The following COG7 variants were observed in gnomAD, a reference collection of about 807,000 sequenced individuals.
The protein encoded by COG7 is conserved oligomeric Golgi complex subunit 7.
Under a neutral mutation model 91.5 loss-of-function variants are expected in COG7, and 49 were observed. That is an observed-to-expected ratio of 0.54 (90% CI 0.43 to 0.68). The LOEUF (loss-of-function observed/expected upper bound fraction) is 0.68, where lower values mean the gene tolerates loss of function less well. Ranked by LOEUF, COG7 falls within the 30% of genes least tolerant of loss-of-function variation. The pLI is 0.00. For synonymous variants in COG7, 365 were observed against 388.7 expected, an observed-to-expected ratio of 0.94 and a Z score of 0.72; for missense variants, 895 against 961.3, an observed-to-expected ratio of 0.93 and a Z score of 0.91.
intron 6 of COG7, 140 bp from the exon 7 acceptor site, chr16:23,425,087 A>G: frequency 1.4e-6 from 1 of 722,510 alleles, no homozygotes; most frequent in Non-Finnish European, 2.4e-6. Context: ...AGGAAGGTGG[A>G]TCACTTGAAG....
intron 4 of COG7, among the ~76,000 whole-genome samples, chr16:23,439,158 CAAAAAAAAAAA>C (rs1288559124): frequency 3.7e-5 from 2 of 53,744 alleles, no homozygotes; most frequent in African/African-American, 1.5e-4. Flanking sequence ...ACTGTGTCTC[CAAAAAAAAAAA>C]AAAAAAAAAA....
chr16:23,401,291 C>T (rs1483328967), intron 13 of COG7, among the ~76,000 whole-genome samples: 5 of 152,204 alleles, frequency 3.3e-5, no homozygotes, highest in Non-Finnish European at 5.9e-5. Context: ...CTGGCACCCT[C>T]GGAGTGCTCC....
intron 1 of COG7, 105 bp downstream of exon 1, chr16:23,452,721 T>G: frequency 6.7e-7 from 1 of 1,497,170 alleles, no homozygotes; most frequent in Non-Finnish European, 8.9e-7. Context: ...GGGTATTTGC[T>G]GTCCATGCGT....
At position 23,389,047 on chromosome 16, in the gene COG7, G is replaced by A. The variant is rs1453341585; in HGVS notation, c.2186C>T (p.Pro729Leu). The A allele has an allele frequency of 9.3e-6, 15 of 1,613,938 alleles. No individual in the cohort carries two copies. The highest frequency in any genetic ancestry group is 4.5e-5 in the East Asian group (2 of 44,882). The change falls in exon 17 of 17, where the codon CCG (proline) becomes CTG (leucine). Residue 729 changes from proline to leucine, a missense_variant. Physicochemically the swap from Pro to Leu is moderately conservative, Grantham distance 98. Coordinates refer to ENST00000307149, the MANE Select transcript of COG7 (RefSeq NM_153603.4). The part of the protein sequence containing the change: ...INVMDALGLQ[P>L]SRTLQHIVTL... ...CACGATGTGCTGGAGGGTGCGGGACGGCTGCAGGCCCAGGGCATCCATCAC... is the reference window on the plus strand; with the variant it reads ...CACGATGTGCTGGAGGGTGCGGGACAGCTGCAGGCCCAGGGCATCCATCAC...
chr16:23,452,760 G>T, intron 1 of COG7, 66 bp downstream of exon 1: 2 of 1,550,230 alleles, frequency 1.3e-6, no homozygotes, highest in Non-Finnish European at 1.7e-6. Flanking sequence ...CCTCACGCAA[G>T]TTCGGTGACC....
Position 23,413,348 on chromosome 16 carries a change from C to T in COG7, c.1409+100G>A, listed in dbSNP as rs1348321904. 69 of 786,224 alleles carry T rather than the reference C, an allele frequency of 8.8e-5. 1 individual carries two copies. Among genetic ancestry groups the T allele is most frequent in the South Asian group, 8.0e-4 (59 of 73,806 alleles). The allele number at this position is 786,224 out of a possible 1,614,324, so 48.7% of individuals were successfully genotyped here. A position where few individuals can be genotyped will look rare whatever the true frequency, so the allele number is the denominator to read the frequency against. On this transcript the variant is annotated intron_variant, in intron 10 of 16. Coordinates refer to ENST00000307149, the MANE Select transcript of COG7 (RefSeq NM_153603.4). ...TAAAAAGGCAGTGAAAGAAAAAAAA[C>T]GAACCCCTTCCAAACACATTTGTCA...
chr16:23,421,403 AT>A (rs1376098276), intron 7 of COG7, among the ~76,000 whole-genome samples: 1 of 150,598 alleles, frequency 6.6e-6, no homozygotes, highest in Non-Finnish European at 1.5e-5. Flanking sequence ...TATATCATTA[AT>A]TCTTATAATA....
At chr16:23,424,531 A>G (rs916648665) in intron 7 of COG7, among the ~76,000 whole-genome samples, 3 of 152,216 alleles carry the variant, frequency 2.0e-5, no homozygotes, top group Non-Finnish European at 1.5e-5. Flanking sequence ...TAAGGCACCC[A>G]GGCAGCACTG....
chr16:23,410,006 A>T (rs1376076023), intron 11 of COG7, among the ~76,000 whole-genome samples: 1 of 152,242 alleles, frequency 6.6e-6, no homozygotes, highest in Admixed American at 6.5e-5. Context: ...AACCAAGCCC[A>T]TTCCTAATTT....
intron 13 of COG7, among the ~76,000 whole-genome samples, chr16:23,400,190 T>C (rs572691751): frequency 6.7e-6 from 1 of 149,380 alleles, no homozygotes; most frequent in East Asian, 2.0e-4. Flanking sequence ...CTGGGGAGGG[T>C]TTTGAATGAG....
intron 11 of COG7, among the ~76,000 whole-genome samples, chr16:23,409,358 C>T (rs532586813): frequency 6.6e-5 from 10 of 152,258 alleles, no homozygotes; most frequent in African/African-American, 2.4e-4. Context: ...GTTGAAATCT[C>T]ATCTGAGAGA....
At chr16:23,405,082 T>C (rs1230625585) in intron 12 of COG7, among the ~76,000 whole-genome samples, 1 of 152,098 alleles carries the variant, frequency 6.6e-6, no homozygotes, top group Non-Finnish European at 1.5e-5. Flanking sequence ...CCCAAGGAAT[T>C]GTGTGACTCA....
chr16:23,401,562 G>A (rs1007306424), intron 13 of COG7, among the ~76,000 whole-genome samples: 1 of 152,204 alleles, frequency 6.6e-6, no homozygotes, highest in African/African-American at 2.4e-5. Context: ...AACCCAATCT[G>A]CAGGTGAGGG....
chr16:23,445,254 G>C, intron 2 of COG7, 90 bp from the exon 3 acceptor site: 1 of 915,716 alleles, frequency 1.1e-6, no homozygotes, highest in Non-Finnish European at 1.8e-6. Context: ...ATGGTGGCTT[G>C]CTTCTGTCTT....
chr16:23,441,615 T>A (rs1964102951), intron 4 of COG7, among the ~76,000 whole-genome samples: 1 of 152,098 alleles, frequency 6.6e-6, no homozygotes, highest in South Asian at 2.1e-4. Context: ...GCAAAGCCCA[T>A]CCATTTACGA....
chr16:23,405,087 G>C (rs1332448729), intron 12 of COG7, among the ~76,000 whole-genome samples: 2 of 152,166 alleles, frequency 1.3e-5, no homozygotes, highest in Non-Finnish European at 2.9e-5. Flanking sequence ...GGAATTGTGT[G>C]ACTCATTCCA....
chr16:23,442,432 T>C lies in COG7; in HGVS notation c.604+45A>G, dbSNP rs773101902. 4 of 1,585,682 alleles carry C rather than the reference T, an allele frequency of 2.5e-6. No homozygotes were observed. The Admixed American group carries it at 6.7e-5, about 26-fold the overall frequency. On this transcript the variant is annotated intron_variant, in intron 4 of 16. Transcript: ENST00000307149. ...AACTGAAGACTTACAAGGCCTTATCTTTATAGAGAGATATACACAGAGATG... is the reference window on the plus strand; with the variant it reads ...AACTGAAGACTTACAAGGCCTTATCCTTATAGAGAGATATACACAGAGATG...
At chr16:23,395,122 T>C (rs1963265700) in intron 14 of COG7, among the ~76,000 whole-genome samples, 1 of 152,232 alleles carries the variant, frequency 6.6e-6, no homozygotes, top group South Asian at 2.1e-4. Flanking sequence ...CGTCCCTTTA[T>C]AAGAGGTACA....
chr16:23,407,899 A>T, intron 11 of COG7, among the ~76,000 whole-genome samples: 1 of 151,232 alleles, frequency 6.6e-6, no homozygotes, highest in Non-Finnish European at 1.5e-5. Context: ...TGGAATTGTA[A>T]TCCTCCCTCC....
Sources: allele counts gnomAD v4.1 joint callset (sites outside exome capture counted in the v4.1 genomes callset), GRCh38; gene constraint gnomAD v4.1.1; transcripts MANE v1.5; gene names NCBI Gene and HGNC (gene_info 2026-07-23, HGNC 2026-07-21).